Variants in ARHGAP15 observed in about 807,000 individuals in gnomAD.
ARHGAP15 encodes Rho GTPase activating protein 15.
Under a neutral mutation model 63.7 loss-of-function variants are expected in ARHGAP15, and 51 were observed. The ratio of observed to expected loss-of-function variants is 0.80; its 90% CI spans 0.64 to 1.01. The LOEUF (loss-of-function observed/expected upper bound fraction) is 1.01. Among genes scored for constraint, ARHGAP15 ranks in the 50% least tolerant of loss-of-function variants. The pLI is 0.00. For synonymous variants in ARHGAP15, 191 were observed against 193.8 expected, an observed-to-expected ratio of 0.99 and a Z score of 0.12; for missense variants, 560 against 564.6, an observed-to-expected ratio of 0.99 and a Z score of 0.08.
chr2:143,652,720 G>A (rs1418481893), intron 12 of ARHGAP15, among the ~76,000 whole-genome samples: 3 of 151,866 alleles, frequency 2.0e-5, no homozygotes, highest in East Asian at 3.9e-4. Flanking sequence ...CTGCTTGTTT[G>A]ATGCTACTAT....
intron 12 of ARHGAP15, among the ~76,000 whole-genome samples, chr2:143,627,826 T>G (rs188700163): frequency 5.3e-5 from 8 of 151,682 alleles, no homozygotes; most frequent in Middle Eastern, 3.2e-3. Flanking sequence ...TTTTGTGGGG[T>G]TTTTTTTCGA....
chr2:143,334,561 C>T (rs1433810573), intron 6 of ARHGAP15, among the ~76,000 whole-genome samples: 7 of 152,004 alleles, frequency 4.6e-5, no homozygotes, highest in Admixed American at 3.9e-4. Flanking sequence ...AGCATGATTG[C>T]AAAACTTTAA....
At chr2:143,423,329 A>G (rs576997234) in intron 6 of ARHGAP15, among the ~76,000 whole-genome samples, 1 of 137,142 alleles carries the variant, frequency 7.3e-6, no homozygotes, top group Admixed American at 7.9e-5. Context: ...TTACTAGTAT[A>G]CCAAATAAAA....
chr2:143,353,183 A>C (rs1282439756), intron 6 of ARHGAP15, among the ~76,000 whole-genome samples: 2 of 152,184 alleles, frequency 1.3e-5, no homozygotes, highest in Non-Finnish European at 2.9e-5. Flanking sequence ...TTCCAGCTAC[A>C]CCGGAGGCTG....
chr2:143,613,068 C>T (rs1698318789), intron 11 of ARHGAP15, among the ~76,000 whole-genome samples: 1 of 152,176 alleles, frequency 6.6e-6, no homozygotes, highest in African/African-American at 2.4e-5. Flanking sequence ...TCCCCAGAAA[C>T]ATAGCCCTGG....
intron 6 of ARHGAP15, among the ~76,000 whole-genome samples, chr2:143,255,121 T>G (rs1242907034): frequency 6.6e-6 from 1 of 152,128 alleles, no homozygotes; most frequent in Non-Finnish European, 1.5e-5. Flanking sequence ...AAAACATACA[T>G]TGGGCTCTTC....
chr2:143,208,047 C>T (rs978825401), intron 3 of ARHGAP15, among the ~76,000 whole-genome samples: 2 of 152,072 alleles, frequency 1.3e-5, no homozygotes, highest in African/African-American at 2.4e-5. Context: ...TTGGCTGTAC[C>T]TACCAGGATG....
chr2:143,446,139 A>G (rs1690127530), intron 8 of ARHGAP15, among the ~76,000 whole-genome samples: 1 of 148,778 alleles, frequency 6.7e-6, no homozygotes, highest in South Asian at 2.1e-4. Context: ...CCAGATAAAT[A>G]TAATATATAT....
At chr2:143,661,594 C>T (rs1681778272) in intron 12 of ARHGAP15, among the ~76,000 whole-genome samples, 1 of 152,170 alleles carries the variant, frequency 6.6e-6, no homozygotes, top group Non-Finnish European at 1.5e-5. Context: ...ATAGGAACAG[C>T]TCCAGTCTAC....
At chr2:143,641,612 G>C (rs1255236050) in intron 12 of ARHGAP15, among the ~76,000 whole-genome samples, 3 of 152,088 alleles carry the variant, frequency 2.0e-5, no homozygotes, top group African/African-American at 7.2e-5. Flanking sequence ...TTTACAGTAA[G>C]CTTAATGAAA....
intron 6 of ARHGAP15, among the ~76,000 whole-genome samples, chr2:143,424,867 A>G (rs935743827): frequency 6.6e-6 from 1 of 152,088 alleles, no homozygotes; most frequent in Non-Finnish European, 1.5e-5. Flanking sequence ...CACAGTTCTT[A>G]GAATTGGACC....
intron 6 of ARHGAP15, among the ~76,000 whole-genome samples, chr2:143,413,917 A>G (rs72852770): frequency 0.056 from 7,584 of 135,500 alleles, 268 homozygotes; most frequent in South Asian, 0.091. Flanking sequence ...CCTAGATGGA[A>G]GGTAGGTAGT....
chr2:143,532,052 T>C (rs1694544031), intron 10 of ARHGAP15, among the ~76,000 whole-genome samples: 1 of 152,210 alleles, frequency 6.6e-6, no homozygotes, highest in East Asian at 1.9e-4. Context: ...AAGGCTGATA[T>C]GTACTTTCCA....
chr2:143,197,079 G>T (rs1414821295), intron 2 of ARHGAP15, among the ~76,000 whole-genome samples: 2 of 151,942 alleles, frequency 1.3e-5, no homozygotes, highest in Admixed American at 6.6e-5. Flanking sequence ...AGAATAAAAT[G>T]TAGGGTTTTT....
chr2:143,506,435 AATTG>A (rs1209463955), intron 9 of ARHGAP15, among the ~76,000 whole-genome samples: 2 of 150,760 alleles, frequency 1.3e-5, no homozygotes, highest in African/African-American at 4.8e-5. Context: ...GTGACAACCT[AATTG>A]ATAAGTTTTA....
At position 143,386,930 on chromosome 2, in the gene ARHGAP15, C is replaced by G. The variant is rs137988741; in HGVS notation, c.475-48671C>G. On this transcript the variant is annotated intron_variant, in intron 6 of 13. Transcript: ENST00000295095. Reference sequence around the variant, plus strand: ...CAGAAAACCAAATACTGCATGTTCTCACTTTTAAGTGGGAGCTAAGTGATA... The same window carrying G: ...CAGAAAACCAAATACTGCATGTTCTGACTTTTAAGTGGGAGCTAAGTGATA... Among the ~76,000 whole-genome samples the G allele has an allele frequency of 5.9e-4, 90 of 151,984 alleles. 1 individual carries two copies. In the East Asian group the frequency reaches 7.3e-3, roughly 12 times the overall value.
intron 10 of ARHGAP15, among the ~76,000 whole-genome samples, chr2:143,551,925 A>C (rs976918494): frequency 8.5e-5 from 13 of 152,328 alleles, no homozygotes; most frequent in Non-Finnish European, 1.2e-4. Context: ...TTAGAGGAGG[A>C]GGCATAGGTC....
intron 6 of ARHGAP15, among the ~76,000 whole-genome samples, chr2:143,430,095 A>G (rs956768886): frequency 2.0e-5 from 3 of 152,020 alleles, no homozygotes; most frequent in African/African-American, 7.2e-5. Flanking sequence ...TAAGGCTGCT[A>G]TCCAAAGTAA....
chr2:143,559,079 A>G (rs1221694723), intron 11 of ARHGAP15, among the ~76,000 whole-genome samples: 1 of 152,182 alleles, frequency 6.6e-6, no homozygotes, highest in African/African-American at 2.4e-5. Context: ...CTAGCTTATA[A>G]CCAGCTAAAA....
Sources: gnomAD v4.1 joint callset for allele counts (sites outside exome capture counted in the v4.1 genomes callset) on GRCh38, gnomAD v4.1.1 for gene constraint, MANE v1.5 for transcripts, NCBI Gene and HGNC (gene_info 2026-07-23, HGNC 2026-07-21) for gene names.